MCU: variants seen among roughly 807,000 people sequenced by gnomAD.
MCU encodes the protein mitochondrial calcium uniporter, also known as calcium uniporter protein, mitochondrial.
MCU carries 12 observed loss-of-function variants against 45.2 expected under a neutral mutation model. The observed-to-expected ratio is 0.27, with a 90% CI of 0.17 to 0.43. The LOEUF (loss-of-function observed/expected upper bound fraction) is 0.43, where lower values mean the gene tolerates loss of function less well. MCU is among the 20% of genes least tolerant of loss of function. The pLI, the probability that MCU is intolerant of heterozygous loss-of-function variation, is 1.00. For synonymous variants in MCU, 160 were observed against 165.1 expected, an observed-to-expected ratio of 0.97 and a Z score of 0.24; for missense variants, 324 against 436.7, an observed-to-expected ratio of 0.74 and a Z score of 2.30.
chr10:72,767,136 A>G (rs1054025685), intron 1 of MCU: 1 of 151,896 alleles, frequency 6.6e-6, no homozygotes, highest in Admixed American at 6.6e-5. Flanking sequence ...ATTATGATTT[A>G]TTTGTCTTTT....
intron 6 of MCU, 24 bp downstream of exon 6, chr10:72,871,604 T>C: frequency 6.3e-7 from 1 of 1,576,780 alleles, no homozygotes; most frequent in Non-Finnish European, 8.7e-7. Flanking sequence ...TCAAGTAACT[T>C]TTTATGAGAT....
At chr10:72,828,461 T>C (rs1301494578) in intron 1 of MCU, among the ~76,000 whole-genome samples, 2 of 152,118 alleles carry the variant, frequency 1.3e-5, no homozygotes, top group Non-Finnish European at 2.9e-5. Context: ...CCTCTCTTTC[T>C]CTTTCTCTCT....
chr10:72,756,039 C>A (rs1444498620), intron 1 of MCU, among the ~76,000 whole-genome samples: 5 of 152,054 alleles, frequency 3.3e-5, no homozygotes, highest in East Asian at 1.9e-4. Context: ...TTTGTAGAGA[C>A]AAGGTCTCGC....
At position 72,730,401 on chromosome 10, in the gene MCU, G is replaced by C. The variant is rs534098821; in HGVS notation, c.150+38100G>C. On this transcript the variant is annotated intron_variant, in intron 1 of 7. Transcript: ENST00000373053. Reference sequence around the variant, plus strand: ...CCTCCTGGGTTCAAGCTATTCTCCTGCCTCAGCCTCCCGGGTAGCTGGGAT... The same window carrying C: ...CCTCCTGGGTTCAAGCTATTCTCCTCCCTCAGCCTCCCGGGTAGCTGGGAT... 1.1e-3 allele frequency among the ~76,000 whole-genome samples: 154 copies of C among 145,268 alleles called. 1 individual carries two copies. The Middle Eastern group carries it at 0.011, about 10-fold the overall frequency.
intron 4 of MCU, among the ~76,000 whole-genome samples, chr10:72,865,731 G>A (rs1845442167): frequency 6.8e-6 from 1 of 147,476 alleles, no homozygotes; most frequent in African/African-American, 2.5e-5. Flanking sequence ...TAGAGATGAG[G>A]TTTCCCTATG....
chr10:72,764,968 A>G (rs1424467171), intron 1 of MCU, among the ~76,000 whole-genome samples: 2 of 151,838 alleles, frequency 1.3e-5, no homozygotes, highest in African/African-American at 4.8e-5. Context: ...TAAATATTAG[A>G]GGGCCGGGAG....
At chr10:72,850,657 G>A (rs1845194829) in intron 2 of MCU, among the ~76,000 whole-genome samples, 1 of 151,934 alleles carries the variant, frequency 6.6e-6, no homozygotes, top group African/African-American at 2.4e-5. Context: ...ATTGTTTGTA[G>A]TTCCTGCACT....
chr10:72,884,146 T>A, intron 6 of MCU, 120 bp from the exon 7 acceptor site: 1 of 662,756 alleles, frequency 1.5e-6, no homozygotes, highest in Non-Finnish European at 2.7e-6. Flanking sequence ...GATTAAATAC[T>A]TAACACAGCA....
chr10:72,745,070 C>G (rs1259371255), intron 1 of MCU, among the ~76,000 whole-genome samples: 2 of 151,866 alleles, frequency 1.3e-5, no homozygotes, highest in Non-Finnish European at 2.9e-5. Context: ...TTGGGTTAGT[C>G]TGCATGCATT....
chr10:72,701,236 C>T (rs919616763), intron 1 of MCU, among the ~76,000 whole-genome samples: 4 of 152,182 alleles, frequency 2.6e-5, no homozygotes, highest in Non-Finnish European at 5.9e-5. Context: ...AAGAAACCAT[C>T]TAAGACCTGA....
At chr10:72,859,131 A>T in intron 2 of MCU, 46 bp from the exon 3 acceptor site, 1 of 1,500,396 alleles carries the variant, frequency 6.7e-7, no homozygotes, top group African/African-American at 1.4e-5. Flanking sequence ...ACTTTAACTT[A>T]CATTGAAATC....
intron 1 of MCU, among the ~76,000 whole-genome samples, chr10:72,750,088 G>T (rs754371360): frequency 4.0e-5 from 6 of 151,894 alleles, no homozygotes; most frequent in Admixed American, 1.3e-4. Flanking sequence ...CCCAGCCTTT[G>T]CTACCTTCTT....
At chr10:72,799,505 C>G (rs749600719) in intron 1 of MCU, among the ~76,000 whole-genome samples, 1 of 149,664 alleles carries the variant, frequency 6.7e-6, no homozygotes, top group African/African-American at 2.5e-5. Context: ...TTTTTTTAAA[C>G]AAGATGCGGT....
rs879614355 is a variant in MCU, at chr10:72,769,726, C to T, written c.151-64633C>T. On this transcript the variant is annotated intron_variant, in intron 1 of 7. Transcript: ENST00000373053. ...ACCACAATCAAGTTTAGAACATTTTCATCACCCCAGAAGGAAACCCCATAC... is the reference window on the plus strand; with the variant it reads ...ACCACAATCAAGTTTAGAACATTTTTATCACCCCAGAAGGAAACCCCATAC... Among the ~76,000 whole-genome samples the T allele has an allele frequency of 5.9e-5, 9 of 152,308 alleles. No homozygotes were observed. The Middle Eastern group carries it at 0.01, about 173-fold the overall frequency.
intron 1 of MCU, among the ~76,000 whole-genome samples, chr10:72,786,113 T>G (rs1844068133): frequency 1.3e-5 from 2 of 152,168 alleles, no homozygotes; most frequent in Admixed American, 6.6e-5. Flanking sequence ...TGGAGATCAT[T>G]TCATTATATG....
At chr10:72,748,634 T>C (rs1843448805) in intron 1 of MCU, among the ~76,000 whole-genome samples, 1 of 151,658 alleles carries the variant, frequency 6.6e-6, no homozygotes, top group African/African-American at 2.4e-5. Flanking sequence ...CTAGGCAACA[T>C]AGCAAGACCC....
chr10:72,838,086 C>T (rs1844982511), intron 2 of MCU, among the ~76,000 whole-genome samples: 1 of 151,820 alleles, frequency 6.6e-6, no homozygotes, highest in South Asian at 2.1e-4. Flanking sequence ...TGGTCTCGAT[C>T]TCTTGACCTT....
chr10:72,789,535 C>T (rs1192925756), intron 1 of MCU, among the ~76,000 whole-genome samples: 1 of 152,102 alleles, frequency 6.6e-6, no homozygotes, highest in African/African-American at 2.4e-5. Context: ...AATCAACTTG[C>T]TTCAACTTTC....
At chr10:72,848,088 AG>A (rs1244773386) in intron 2 of MCU, among the ~76,000 whole-genome samples, 7 of 152,222 alleles carry the variant, frequency 4.6e-5, no homozygotes, top group Admixed American at 3.9e-4. Context: ...GACACTACAC[AG>A]GGCATGAATA....
Sources: gnomAD v4.1 joint callset for allele counts (sites outside exome capture counted in the v4.1 genomes callset) on GRCh38, gnomAD v4.1.1 for gene constraint, MANE v1.5 for transcripts, NCBI Gene and HGNC (gene_info 2026-07-23, HGNC 2026-07-21) for gene names.